Variants in LRRC4C observed in about 807,000 individuals in gnomAD.
The protein encoded by LRRC4C is leucine-rich repeat-containing protein 4C.
In LRRC4C, 5 loss-of-function variants were observed where a neutral mutation model predicts 33.6. The observed-to-expected ratio is 0.15, with a 90% confidence interval of 0.08 to 0.31. The LOEUF is 0.31. Among genes scored for constraint, LRRC4C ranks in the 10% least tolerant of loss-of-function variants. The pLI is 1.00. For missense variants in LRRC4C, 560 were observed against 796.7 expected (o/e 0.70, Z 3.58); for synonymous variants, 329 against 302.0 (o/e 1.09, Z -0.93).
chr11:41,020,416 A>C (rs748852604), intron 1 of LRRC4C, among the ~76,000 whole-genome samples: 1 of 152,100 alleles, frequency 6.6e-6, no homozygotes, highest in Non-Finnish European at 1.5e-5. Context: ...TTATGATGAG[A>C]GCATACTGGA....
At chr11:40,670,904 T>C (rs1008413266) in intron 2 of LRRC4C, among the ~76,000 whole-genome samples, 7 of 152,134 alleles carry the variant, frequency 4.6e-5, no homozygotes, top group South Asian at 2.1e-4. Flanking sequence ...GCTGGGACTA[T>C]AGGTGCCCGC....
intron 3 of LRRC4C, among the ~76,000 whole-genome samples, chr11:40,527,337 G>T (rs1386753857): frequency 6.6e-6 from 1 of 152,102 alleles, no homozygotes; most frequent in Non-Finnish European, 1.5e-5. Flanking sequence ...ACAAAACAGT[G>T]CCTTAAAATG....
Position 41,427,830 on chromosome 11 carries a change from G to C in LRRC4C, c.-496+31601C>G, listed in dbSNP as rs905811944. ...TTCCACCACAAAAGAAGTGAAAATGGCTGGTCCCTGCCTTAACTGATGACA... is the reference window on the plus strand; with the variant it reads ...TTCCACCACAAAAGAAGTGAAAATGCCTGGTCCCTGCCTTAACTGATGACA... On this transcript the variant is annotated intron_variant, in intron 1 of 6. Coordinates refer to ENST00000528697, the MANE Select transcript of LRRC4C (RefSeq NM_001258419.2). Among the ~76,000 whole-genome samples the C allele has an allele frequency of 1.7e-4, 26 of 152,034 alleles. 1 individual carries two copies. Among genetic ancestry groups the C allele is most frequent in the African/African-American group, 6.3e-4 (26 of 41,416 alleles).
chr11:40,997,446 C>T (rs1316389345), intron 1 of LRRC4C, among the ~76,000 whole-genome samples: 1 of 151,930 alleles, frequency 6.6e-6, no homozygotes, highest in Non-Finnish European at 1.5e-5. Context: ...CTCAATAGCT[C>T]CTTGAAGTGC....
At chr11:40,225,552 C>T (rs7933522) in intron 5 of LRRC4C, among the ~76,000 whole-genome samples, 116,086 of 151,788 alleles carry the variant, frequency 0.76, 48,766 homozygotes, top group East Asian at 0.96. Context: ...CACTTCCTTC[C>T]TCATCTCTGG....
intron 3 of LRRC4C, among the ~76,000 whole-genome samples, chr11:40,366,409 G>T (rs915165534): frequency 3.3e-5 from 5 of 151,998 alleles, no homozygotes; most frequent in African/African-American, 1.2e-4. Flanking sequence ...GCTTTATAAA[G>T]AAGTTGAGGT....
At chr11:40,615,163 C>A (rs145569441) in intron 3 of LRRC4C, among the ~76,000 whole-genome samples, 1 of 149,536 alleles carries the variant, frequency 6.7e-6, no homozygotes, top group African/African-American at 2.5e-5. Flanking sequence ...CTGATGAGTA[C>A]GGAAAACCTT....
intron 3 of LRRC4C, among the ~76,000 whole-genome samples, chr11:40,607,641 A>G (rs1960763751): frequency 6.6e-6 from 1 of 152,282 alleles, no homozygotes; most frequent in Non-Finnish European, 1.5e-5. Context: ...CCATCTGCTG[A>G]GAGCTACTTC....
intron 3 of LRRC4C, among the ~76,000 whole-genome samples, chr11:40,564,232 C>T (rs1290003892): frequency 2.6e-5 from 4 of 152,064 alleles, no homozygotes; most frequent in Admixed American, 2.0e-4. Flanking sequence ...CTTGAGAAGC[C>T]CTGAGACAAC....
intron 5 of LRRC4C, among the ~76,000 whole-genome samples, chr11:40,146,014 G>A (rs937971505): frequency 2.6e-5 from 4 of 152,164 alleles, no homozygotes; most frequent in Admixed American, 2.6e-4. Flanking sequence ...CAAGGTATAT[G>A]GGGTAGAAGA....
At chr11:40,189,858 A>G (rs890985617) in intron 5 of LRRC4C, among the ~76,000 whole-genome samples, 10 of 152,328 alleles carry the variant, frequency 6.6e-5, no homozygotes, top group African/African-American at 2.4e-4. Flanking sequence ...TAACTTTTTA[A>G]ACATACATGC....
At chr11:41,236,826 A>G (rs1948044277) in intron 1 of LRRC4C, among the ~76,000 whole-genome samples, 1 of 152,222 alleles carries the variant, frequency 6.6e-6, no homozygotes, top group Non-Finnish European at 1.5e-5. Flanking sequence ...TGTAGAAGAA[A>G]GAATAGTTTG....
At chr11:41,372,343 T>C (rs1337899328) in intron 1 of LRRC4C, among the ~76,000 whole-genome samples, 2 of 152,218 alleles carry the variant, frequency 1.3e-5, no homozygotes, top group Admixed American at 6.5e-5. Context: ...TATTCCTCAA[T>C]ACAGCCTTCT....
At chr11:41,367,110 G>A (rs1017286126) in intron 1 of LRRC4C, among the ~76,000 whole-genome samples, 4 of 152,152 alleles carry the variant, frequency 2.6e-5, no homozygotes, top group Non-Finnish European at 5.9e-5. Flanking sequence ...CAGGGAAGGT[G>A]CCTTTATAGG....
chr11:40,529,668 G>A (rs1483910899), intron 3 of LRRC4C, among the ~76,000 whole-genome samples: 2 of 152,132 alleles, frequency 1.3e-5, no homozygotes, highest in African/African-American at 2.4e-5. Flanking sequence ...AGTTAAAAGT[G>A]TAAACAAAAA....
rs568251363 is a variant in LRRC4C at position 41,002,065 on chromosome 11, G to A, written c.-495-68342C>T. ...AGCATTTGTACAAATTCTTGGAAGG[G>A]CAGTGGAGATTTACCTTAATTCTTC... On this transcript the variant is annotated intron_variant, in intron 1 of 6. Transcript: ENST00000528697. Among the ~76,000 whole-genome samples the A allele has an allele frequency of 1.2e-4, 18 of 152,168 alleles. No individual in the cohort carries two copies. In the South Asian group the frequency reaches 3.5e-3, roughly 30 times the overall value.
intron 1 of LRRC4C, among the ~76,000 whole-genome samples, chr11:40,967,109 T>C (rs1392281219): frequency 3.3e-5 from 5 of 151,310 alleles, no homozygotes; most frequent in African/African-American, 1.2e-4. Flanking sequence ...AGTTAGCTAA[T>C]CTGAGTTTGA....
chr11:41,335,276 G>A (rs1591293663), intron 1 of LRRC4C, among the ~76,000 whole-genome samples: 1 of 152,156 alleles, frequency 6.6e-6, no homozygotes, highest in East Asian at 1.9e-4. Context: ...GGTAAAAGCA[G>A]ACCAGTAAAC....
chr11:40,667,978 T>C (rs1943903257), intron 2 of LRRC4C, among the ~76,000 whole-genome samples: 1 of 152,218 alleles, frequency 6.6e-6, no homozygotes, highest in African/African-American at 2.4e-5. Flanking sequence ...GTGAAAACTT[T>C]GGGTTATCAG....
Sources: allele counts gnomAD v4.1 joint callset (sites outside exome capture counted in the v4.1 genomes callset), GRCh38; gene constraint gnomAD v4.1.1; transcripts MANE v1.5; gene names NCBI Gene and HGNC (gene_info 2026-07-23, HGNC 2026-07-21).